LRP2: variants seen among roughly 807,000 people sequenced by gnomAD.
LRP2 encodes the protein LDL receptor related protein 2, also known as low-density lipoprotein receptor-related protein 2.
Under a neutral mutation model 531.0 loss-of-function variants are expected in LRP2, and 172 were observed. The ratio of observed to expected loss-of-function variants is 0.32; its 90% CI spans 0.29 to 0.37. LRP2 has a LOEUF of 0.37. Ranked by LOEUF, LRP2 falls within the 10% of genes least tolerant of loss-of-function variation. The probability of loss-of-function intolerance (pLI) is 1.00; values close to 1 mark genes in which losing one functional copy is unlikely to be tolerated. For missense variants in LRP2, 5,167 were observed against 5,868.3 expected (o/e 0.88, Z 3.90); for synonymous variants, 1,992 against 2,027.6 (o/e 0.98, Z 0.47).
intron 14 of LRP2, among the ~76,000 whole-genome samples, chr2:169,273,886 C>A (rs1683485661): frequency 6.6e-6 from 1 of 152,042 alleles, no homozygotes; most frequent in Admixed American, 6.6e-5. Flanking sequence ...AATGTGAGGG[C>A]AGGTGTGAGT....
rs546570817 is a variant in LRP2, at chr2:169,221,470, T to C, written c.5539-907A>G. ...AGGGCCCTGATACAGCACATAGAAA[T>C]ATAGTTTATTGGACTAGAAAGAAGT... On this transcript the variant is annotated intron_variant, in intron 33 of 78. Coordinates refer to ENST00000649046, the MANE Select transcript of LRP2 (RefSeq NM_004525.3). Among the ~76,000 whole-genome samples, 10 of 152,282 alleles carry C rather than the reference T, an allele frequency of 6.6e-5. No individual in the cohort carries two copies. In the South Asian group the frequency reaches 1.2e-3, roughly 19 times the overall value.
chr2:169,312,482 G>T lies in LRP2; in HGVS notation c.311-5085C>A, dbSNP rs550899552. Among the ~76,000 whole-genome samples, 13 of 152,262 alleles carry T rather than the reference G, an allele frequency of 8.5e-5. No homozygotes were observed. The South Asian group carries it at 2.5e-3, about 29-fold the overall frequency. ...TATGAAGCTTAGTTTGGCTGGATAT[G>T]AAATTCTGGGTTGAAAATTCTTTTC... On this transcript the variant is annotated intron_variant, in intron 3 of 78. Transcript: ENST00000649046.
At chr2:169,204,344 CA>C (rs1274413421) in intron 41 of LRP2, 73 bp from the exon 42 acceptor site, 2 of 1,335,736 alleles carry the variant, frequency 1.5e-6, no homozygotes, top group Non-Finnish European at 2.1e-6. Flanking sequence ...CAGCCCAATG[CA>C]TGCGCCTCAT....
chr2:169,294,520 A>C, intron 5 of LRP2, 80 bp downstream of exon 5: 6 of 1,016,424 alleles, frequency 5.9e-6, no homozygotes, highest in Non-Finnish European at 9.3e-6. Context: ...GAACTTGGGA[A>C]GAGATGTACA....
intron 35 of LRP2, 41 bp from the exon 36 acceptor site, chr2:169,213,911 T>A: frequency 7.2e-7 from 1 of 1,395,402 alleles, no homozygotes; most frequent in Non-Finnish European, 1.0e-6. Flanking sequence ...GGATTCATAG[T>A]GAAAATTTTG....
intron 68 of LRP2, among the ~76,000 whole-genome samples, chr2:169,147,891 A>G (rs556030067): frequency 6.6e-6 from 1 of 152,266 alleles, no homozygotes; most frequent in South Asian, 2.1e-4. Context: ...CCAAAGCAAG[A>G]AATACAGGTT....
intron 70 of LRP2, among the ~76,000 whole-genome samples, 187 bp downstream of exon 70, chr2:169,145,560 A>G (rs1457624404): frequency 6.6e-6 from 1 of 152,174 alleles, no homozygotes; most frequent in African/African-American, 2.4e-5. Context: ...CACCAATTTT[A>G]TCTTTCTTTG....
chr2:169,226,606 T>C lies in LRP2; in HGVS notation c.5228-18A>G. On this transcript the variant is annotated intron_variant, in intron 31 of 78. Coordinates refer to ENST00000649046, the MANE Select transcript of LRP2 (RefSeq NM_004525.3). ...TTGATCATCTGTGAAAATAGAAGAATATCAGTCAAAATCATATCCCACTAT... is the reference window on the plus strand; with the variant it reads ...TTGATCATCTGTGAAAATAGAAGAACATCAGTCAAAATCATATCCCACTAT... The C allele has an allele frequency of 1.9e-6, 3 of 1,588,390 alleles. No individual in the cohort carries two copies. The highest frequency in any genetic ancestry group is 2.6e-6 in the Non-Finnish European group (3 of 1,157,704).
chr2:169,359,048 T>G (rs936391723), intron 1 of LRP2, among the ~76,000 whole-genome samples: 2 of 151,926 alleles, frequency 1.3e-5, no homozygotes, highest in African/African-American at 4.8e-5. Flanking sequence ...AGCAAAACAA[T>G]ATGTTACTTT....
chr2:169,273,480 C>T (rs1357646666), intron 14 of LRP2, among the ~76,000 whole-genome samples: 2 of 152,126 alleles, frequency 1.3e-5, no homozygotes, highest in Admixed American at 6.6e-5. Context: ...TAACCAATAG[C>T]TCTAAGAGGT....
chr2:169,248,854 G>T (rs1182310813), intron 19 of LRP2, among the ~76,000 whole-genome samples: 3 of 123,002 alleles, frequency 2.4e-5, no homozygotes, highest in Non-Finnish European at 3.4e-5. Context: ...TTCCCTTTCC[G>T]AGTCAAAGAA....
At chr2:169,231,923 C>T (rs916885773) in intron 30 of LRP2, 81 bp from the exon 31 acceptor site, 2 of 1,544,102 alleles carry the variant, frequency 1.3e-6, no homozygotes, top group Non-Finnish European at 8.8e-7. Flanking sequence ...TCTTAGTGTC[C>T]TTCCAGAGGC....
intron 14 of LRP2, among the ~76,000 whole-genome samples, chr2:169,273,746 A>G (rs76618819): frequency 0.016 from 2,485 of 152,196 alleles, 57 homozygotes; most frequent in African/African-American, 0.057. Context: ...CCTTTGACTT[A>G]TTCTTTAAAA....
chr2:169,213,825 G>A lies in LRP2; in HGVS notation c.5872C>T (p.His1958Tyr). The change falls in exon 36 of 79, where the codon CAC becomes TAC. Residue 1958 changes from histidine to tyrosine, a missense_variant. By Grantham distance (83) the His-to-Tyr change is moderately conservative. Coordinates refer to ENST00000649046, the MANE Select transcript of LRP2 (RefSeq NM_004525.3). The stretch of plus-strand genomic sequence containing the variant: ...ATTCCCCAGGGGTGGGAAAGCTGGT[G>A]TACCAGGATCATTCGATCTGTTCCA... Reference protein sequence around the residue: ...VDGTDRMILVHQLSHPWGIAV... With the variant: ...VDGTDRMILVYQLSHPWGIAV... 2 of 1,613,726 alleles carry A rather than the reference G, an allele frequency of 1.2e-6. No individual in the cohort carries two copies. Among genetic ancestry groups the A allele is most frequent in the South Asian group, 1.1e-5 (1 of 91,064 alleles).
chr2:169,246,112 G>C (rs1045533356), intron 21 of LRP2, among the ~76,000 whole-genome samples: 1 of 152,020 alleles, frequency 6.6e-6, no homozygotes, highest in East Asian at 1.9e-4. Flanking sequence ...TTTGTATTTT[G>C]TAATTTTGTA....
intron 49 of LRP2, among the ~76,000 whole-genome samples, chr2:169,187,107 T>C (rs185957919): frequency 2.6e-5 from 4 of 152,264 alleles, no homozygotes; most frequent in Non-Finnish European, 4.4e-5. Flanking sequence ...CAGGGGTACA[T>C]GTGCGGGATG....
intron 1 of LRP2, among the ~76,000 whole-genome samples, chr2:169,327,253 G>A (rs573554032): frequency 0.047 from 1,457 of 31,140 alleles, 57 homozygotes; most frequent in African/African-American, 0.12. Flanking sequence ...CCCCACGTCC[G>A]GGAGGGAGGT....
chr2:169,166,776 T>A (rs1026343521), intron 61 of LRP2, among the ~76,000 whole-genome samples: 2 of 152,208 alleles, frequency 1.3e-5, no homozygotes, highest in African/African-American at 2.4e-5. Context: ...GGTCCCCTAC[T>A]TGTTTGGTAC....
At chr2:169,360,442 T>C (rs1294608957) in intron 1 of LRP2, among the ~76,000 whole-genome samples, 1 of 152,112 alleles carries the variant, frequency 6.6e-6, no homozygotes, top group African/African-American at 2.4e-5. Context: ...TATATTATTA[T>C]CATAGAATGG....
Sources: allele counts gnomAD v4.1 joint callset (sites outside exome capture counted in the v4.1 genomes callset), GRCh38; gene constraint gnomAD v4.1.1; transcripts MANE v1.5; gene names NCBI Gene and HGNC (gene_info 2026-07-23, HGNC 2026-07-21).